The following NXPE2 variants were observed in gnomAD, a reference collection of about 807,000 sequenced individuals.
NXPE2 encodes NXPE family member 2.
NXPE2 carries 34 observed loss-of-function variants against 34.4 expected under a neutral mutation model. That is an observed-to-expected ratio of 0.99 (90% CI 0.75 to 1.31). NXPE2 has a LOEUF of 1.31. NXPE2 is among the 40% of genes most tolerant of loss of function. The pLI is 0.00. For synonymous variants in NXPE2, 235 were observed against 231.3 expected, an observed-to-expected ratio of 1.02 and a Z score of -0.15; for missense variants, 649 against 672.5, an observed-to-expected ratio of 0.97 and a Z score of 0.39.
chr11:114,585,678 A>C, the NXPE2 span, among the ~76,000 whole-genome samples: 1 of 152,156 alleles, frequency 6.6e-6, no homozygotes, highest in African/African-American at 2.4e-5. Context: ...CAGGAACTAG[A>C]AAGAAATTAT....
the NXPE2 span, among the ~76,000 whole-genome samples, chr11:114,534,804 A>G: frequency 6.6e-6 from 1 of 152,220 alleles, no homozygotes; most frequent in Non-Finnish European, 1.5e-5. Flanking sequence ...TCTACGTCTA[A>G]TTGGTGTACC....
At chr11:114,499,190 C>G in the NXPE2 span, among the ~76,000 whole-genome samples, 1 of 152,062 alleles carries the variant, frequency 6.6e-6, no homozygotes, top group Non-Finnish European at 1.5e-5. Context: ...ATTTCTTACA[C>G]CATTATAACA....
At chr11:114,709,907 A>C (rs1241211262), downstream of NXPE2, among the ~76,000 whole-genome samples, 1 of 152,012 alleles carries the variant, frequency 6.6e-6, no homozygotes, top group Non-Finnish European at 1.5e-5. Context: ...GTCTCAAAAA[A>C]CAAAAAAGAA....
At chr11:114,592,801 A>T in the NXPE2 span, among the ~76,000 whole-genome samples, 1 of 152,204 alleles carries the variant, frequency 6.6e-6, no homozygotes, top group Admixed American at 6.5e-5. Flanking sequence ...TATAGTAAAC[A>T]GTGTTATACT....
At chr11:114,633,456 CTTT>C in the NXPE2 span, among the ~76,000 whole-genome samples, 2 of 143,478 alleles carry the variant, frequency 1.4e-5, no homozygotes, top group African/African-American at 5.1e-5. Context: ...TATATTTTTT[CTTT>C]TTTTTATTTT....
rs558633115 is a variant in NXPE2, at chr11:114,706,485, A to C, written c.1235A>C (p.Lys412Thr). ...AGACATATTTTGATTCAGTGGAAAA[A>C]ACATGGTCATCCATTTGTTACCAAA... ...VERHILIQWK[K>T]HGHPFVTKKL... Residue 412 changes from lysine (K) to threonine (T), a missense_variant, in exon 6 of 6, where the codon AAA becomes ACA. Coordinates refer to ENST00000389586, the MANE Select transcript of NXPE2 (RefSeq NM_182495.6). 6.4e-5 allele frequency: 100 copies of C among 1,551,822 alleles called. No homozygotes were observed. In the East Asian group the frequency reaches 1.5e-3, roughly 23 times the overall value.
chr11:114,777,053 C>G, the NXPE2 span, among the ~76,000 whole-genome samples: 5 of 152,266 alleles, frequency 3.3e-5, no homozygotes, highest in African/African-American at 9.6e-5. Context: ...TTGGGCACTG[C>G]ACAACTTCTC....
the NXPE2 span, among the ~76,000 whole-genome samples, chr11:114,612,224 A>G: frequency 2.0e-5 from 3 of 149,940 alleles, no homozygotes; most frequent in African/African-American, 7.4e-5. Context: ...TGTTGCCTCT[A>G]TGGTAACCAC....
chr11:114,708,589 C>T (rs1270949923), downstream of NXPE2, among the ~76,000 whole-genome samples: 2 of 150,546 alleles, frequency 1.3e-5, no homozygotes, highest in Admixed American at 1.3e-4. Flanking sequence ...AAGATTGCAC[C>T]ACCACACTCC....
the NXPE2 span, among the ~76,000 whole-genome samples, chr11:114,589,674 T>C: frequency 1.3e-5 from 2 of 152,102 alleles, no homozygotes; most frequent in African/African-American, 4.8e-5. Flanking sequence ...ATAGGTTGAG[T>C]TGTAACCACT....
At chr11:114,566,711 C>CTA in the NXPE2 span, among the ~76,000 whole-genome samples, 1 of 152,106 alleles carries the variant, frequency 6.6e-6, no homozygotes, top group African/African-American at 2.4e-5. Flanking sequence ...CTCTCTCTCT[C>CTA]TCTCTATCTC....
the NXPE2 span, among the ~76,000 whole-genome samples, chr11:114,591,880 T>C: frequency 2.0e-5 from 3 of 152,176 alleles, no homozygotes; most frequent in African/African-American, 7.2e-5. Context: ...ATTATGTCCC[T>C]AATTTTTTGA....
At chr11:114,755,820 T>C in the NXPE2 span, among the ~76,000 whole-genome samples, 4 of 152,142 alleles carry the variant, frequency 2.6e-5, no homozygotes, top group South Asian at 2.1e-4. Context: ...TGGCTGACTA[T>C]GGATTAGATT....
chr11:114,756,680 A>G, the NXPE2 span, among the ~76,000 whole-genome samples: 1 of 152,202 alleles, frequency 6.6e-6, no homozygotes, highest in Non-Finnish European at 1.5e-5. Context: ...AGATAACACT[A>G]TCTGCAAAAA....
rs1441878897 is a variant in NXPE2, at chr11:114,706,636, C to T, written c.1386C>T (p.Phe462=). 3 of 1,551,944 alleles carry T rather than the reference C, an allele frequency of 1.9e-6. No homozygotes were observed. In the African/African-American group the frequency reaches 4.1e-5, roughly 21 times the overall value. The change falls in exon 6 of 6, where the codon TTC becomes TTT. Residue 462 remains phenylalanine (F), a synonymous_variant. Transcript: ENST00000389586. The stretch of plus-strand genomic sequence containing the variant: ...TCAGACCCTTTCCCATCAACATTTT[C>T]ATCCGTAGGGCCATCAATATTCAAA... ...QHFRPFPINI[F]IRRAINIQKA...
the NXPE2 span, among the ~76,000 whole-genome samples, chr11:114,590,331 C>A: frequency 6.6e-6 from 1 of 152,174 alleles, no homozygotes; most frequent in African/African-American, 2.4e-5. Context: ...TGGTTTAGTG[C>A]TTCTGAAAGG....
chr11:114,632,273 A>C, the NXPE2 span, among the ~76,000 whole-genome samples: 1 of 139,110 alleles, frequency 7.2e-6, no homozygotes, highest in African/African-American at 2.6e-5. Context: ...ATATATGTAT[A>C]TATACTATAT....
the NXPE2 span, among the ~76,000 whole-genome samples, chr11:114,743,096 A>G: frequency 8.2e-6 from 1 of 122,180 alleles, no homozygotes; most frequent in Non-Finnish European, 1.8e-5. Flanking sequence ...CAAGCAACTT[A>G]AACAAAAATA....
At chr11:114,674,111 AAACAAACAAACAAAC>A (rs1265719470), upstream of NXPE2, among the ~76,000 whole-genome samples, 52 of 106,646 alleles carry the variant, frequency 4.9e-4, no homozygotes, top group African/African-American at 1.4e-3. Context: ...ACAAACAAAC[AAACAAACAAACAAAC>A]AAGTGAACAA....
Sources: gnomAD v4.1 joint callset for allele counts (sites outside exome capture counted in the v4.1 genomes callset) on GRCh38, gnomAD v4.1.1 for gene constraint, MANE v1.5 for transcripts, NCBI Gene and HGNC (gene_info 2026-07-23, HGNC 2026-07-21) for gene names.